The following FAM107B variants were observed in gnomAD, a reference collection of about 807,000 sequenced individuals.
FAM107B encodes the protein family with sequence similarity 107 member B.
In FAM107B, 21 loss-of-function variants were observed where a neutral mutation model predicts 31.5. That is an observed-to-expected ratio of 0.67 (90% CI 0.47 to 0.96). FAM107B has a LOEUF of 0.96. FAM107B is among the 40% of genes least tolerant of loss of function. The pLI, the probability that FAM107B is intolerant of heterozygous loss-of-function variation, is 0.00. For missense variants in FAM107B, 452 were observed against 377.1 expected, an observed-to-expected ratio of 1.20 and a Z score of -1.64; for synonymous variants, 157 against 141.5, an observed-to-expected ratio of 1.11 and a Z score of -0.78.
intron 2 of FAM107B, among the ~76,000 whole-genome samples, chr10:14,560,951 C>T (rs2131171419): frequency 6.6e-6 from 1 of 152,356 alleles, no homozygotes; most frequent in Admixed American, 6.5e-5. Context: ...AAACAGCCAA[C>T]TGTGTGGCCA....
chr10:14,709,081 T>G (rs976721903), intron 1 of FAM107B, among the ~76,000 whole-genome samples: 7 of 152,210 alleles, frequency 4.6e-5, no homozygotes, highest in Non-Finnish European at 8.8e-5. Context: ...GTGGGAACTC[T>G]CATTCTTTAC....
chr10:14,597,892 G>A (rs1220641509), intron 2 of FAM107B, among the ~76,000 whole-genome samples: 1 of 152,216 alleles, frequency 6.6e-6, no homozygotes, highest in Non-Finnish European at 1.5e-5. Context: ...GGAGGTTGCA[G>A]TGAGCCGAGA....
chr10:14,708,788 A>T (rs1588720101), intron 1 of FAM107B, among the ~76,000 whole-genome samples: 1 of 152,254 alleles, frequency 6.6e-6, no homozygotes, highest in Admixed American at 6.5e-5. Flanking sequence ...ACTCAACAAT[A>T]AGAAAACAAA....
chr10:14,606,875 T>G (rs1852605731), intron 2 of FAM107B, among the ~76,000 whole-genome samples: 1 of 152,172 alleles, frequency 6.6e-6, no homozygotes. Flanking sequence ...TTCAGAACTG[T>G]GGGAAAATGA....
chr10:14,574,269 G>C lies in FAM107B; in HGVS notation c.470-43754C>G, dbSNP rs371854351. On this transcript the variant is annotated intron_variant, in intron 2 of 4. Transcript: ENST00000181796. ...AGTGAACTGTTACTCTTTACATTCT[G>C]TACCCTGAGACATCACAATATGTAT... Among the ~76,000 whole-genome samples, 12 of 152,252 alleles carry C rather than the reference G, an allele frequency of 7.9e-5. 1 individual carries two copies. The East Asian group carries it at 2.1e-3, about 27-fold the overall frequency.
chr10:14,600,249 G>C (rs1983894), intron 2 of FAM107B, among the ~76,000 whole-genome samples: 21,559 of 152,194 alleles, frequency 0.14, 1,643 homozygotes, highest in East Asian at 0.25. Flanking sequence ...CGGCTTCCCA[G>C]GGCTACTGGC....
chr10:14,694,343 A>G (rs754727648), intron 1 of FAM107B, among the ~76,000 whole-genome samples: 14 of 152,166 alleles, frequency 9.2e-5, no homozygotes, highest in Non-Finnish European at 2.1e-4. Flanking sequence ...CACAGTACAT[A>G]AGGGTTCCCT....
Position 14,774,481 on chromosome 10 carries a change from G to A in FAM107B, c.183C>T (p.Gly61=), listed in dbSNP as rs574031893. 1.2e-6 allele frequency: 2 copies of A among 1,614,196 alleles called. No homozygotes were observed. Among genetic ancestry groups the A allele is most frequent in the East Asian group, 2.2e-5 (1 of 44,874 alleles). The stretch of plus-strand genomic sequence containing the variant: ...CTGCGCTTGGGTGTCTTGGCTGTCT[G>A]CCTGCTTTGGCCACAGGCTGCACAC... ...TVRVQPVAKA[G]RQPRHPSAEG... is the part of the protein sequence containing the mutation. Residue 61 remains glycine, a synonymous_variant, in exon 1 of 5, where the codon GGC becomes GGT. Coordinates refer to ENST00000181796, the MANE Select transcript of FAM107B (RefSeq NM_031453.4).
chr10:14,612,847 T>C (rs1175487813), intron 2 of FAM107B, among the ~76,000 whole-genome samples: 1 of 151,998 alleles, frequency 6.6e-6, no homozygotes, highest in Non-Finnish European at 1.5e-5. Context: ...ACCCCAAAAC[T>C]AAAAACAGCA....
At chr10:14,659,228 G>C (rs1854156197) in intron 2 of FAM107B, among the ~76,000 whole-genome samples, 1 of 152,048 alleles carries the variant, frequency 6.6e-6, no homozygotes, top group African/African-American at 2.4e-5. Flanking sequence ...ATCACCTAAG[G>C]TCAGGAGTTT....
intron 2 of FAM107B, among the ~76,000 whole-genome samples, chr10:14,645,744 A>AT (rs1051185034): frequency 7.0e-4 from 107 of 152,000 alleles, no homozygotes; most frequent in South Asian, 3.5e-3. Context: ...GATTTATTTT[A>AT]TTTTTTTTAC....
At chr10:14,592,205 G>A (rs1852043714) in intron 2 of FAM107B, among the ~76,000 whole-genome samples, 1 of 152,178 alleles carries the variant, frequency 6.6e-6, no homozygotes, top group African/African-American at 2.4e-5. Flanking sequence ...CAGAAACTAG[G>A]CTATGAATGG....
intron 1 of FAM107B, among the ~76,000 whole-genome samples, chr10:14,738,257 T>C (rs1291662244): frequency 1.3e-5 from 2 of 152,190 alleles, no homozygotes; most frequent in Non-Finnish European, 2.9e-5. Context: ...TTAAATGAGA[T>C]AAGATGAAGC....
intron 1 of FAM107B, among the ~76,000 whole-genome samples, chr10:14,765,038 G>A (rs926838865): frequency 3.3e-5 from 5 of 152,150 alleles, no homozygotes; most frequent in African/African-American, 1.2e-4. Flanking sequence ...TGGGCAGATT[G>A]GTAGATTTTT....
At position 14,518,841 on chromosome 10, in the gene FAM107B, C is replaced by T. The variant is rs973393726; in HGVS notation, c.*2349G>A. On this transcript the variant is annotated 3_prime_UTR_variant, in exon 5 of 5. Transcript: ENST00000181796. Reference sequence around the variant, plus strand: ...ACATTAAACTATTTTAAGAAAACCACGCTGTGGAAAAATGGAGCCATTTTT... The same window carrying T: ...ACATTAAACTATTTTAAGAAAACCATGCTGTGGAAAAATGGAGCCATTTTT... 6 of 152,666 alleles carry T rather than the reference C, an allele frequency of 3.9e-5. No homozygotes were observed. Among genetic ancestry groups the T allele is most frequent in the African/African-American group, 1.4e-4 (6 of 41,556 alleles). 9.5% of individuals were successfully genotyped at this position (152,666 alleles called of 1,614,324 possible).
At chr10:14,667,843 C>T (rs988743257) in intron 1 of FAM107B, 152 bp from the exon 2 acceptor site, 2 of 740,538 alleles carry the variant, frequency 2.7e-6, no homozygotes, top group African/African-American at 3.6e-5. Context: ...TTTGGACAAG[C>T]TACTACAAAT....
intron 1 of FAM107B, among the ~76,000 whole-genome samples, chr10:14,711,435 T>A (rs886302736): frequency 2.6e-5 from 4 of 152,208 alleles, no homozygotes; most frequent in African/African-American, 9.6e-5. Context: ...TACGTTTAGA[T>A]ACACAAATAC....
intron 2 of FAM107B, among the ~76,000 whole-genome samples, chr10:14,560,368 G>C (rs933782787): frequency 6.6e-6 from 1 of 152,092 alleles, no homozygotes; most frequent in African/African-American, 2.4e-5. Flanking sequence ...GTCACATATC[G>C]CATGCTAATT....
chr10:14,577,455 T>C (rs1024229296), intron 2 of FAM107B, among the ~76,000 whole-genome samples: 1 of 152,248 alleles, frequency 6.6e-6, no homozygotes, highest in Non-Finnish European at 1.5e-5. Context: ...GAGCTTACGT[T>C]TGCCTTTTAC....
Sources: gnomAD v4.1 joint callset for allele counts (sites outside exome capture counted in the v4.1 genomes callset) on GRCh38, gnomAD v4.1.1 for gene constraint, MANE v1.5 for transcripts, NCBI Gene and HGNC (gene_info 2026-07-23, HGNC 2026-07-21) for gene names.